SPIDR: variants seen among roughly 807,000 people sequenced by gnomAD.
The protein encoded by SPIDR is DNA repair-scaffolding protein.
In SPIDR, 93 loss-of-function variants were observed where a neutral mutation model predicts 104.6. The observed-to-expected ratio is 0.89, with a 90% CI of 0.75 to 1.06. The LOEUF (loss-of-function observed/expected upper bound fraction) is 1.06. Among genes scored for constraint, SPIDR ranks in the 50% least tolerant of loss-of-function variants. The pLI, the probability that SPIDR is intolerant of heterozygous loss-of-function variation, is 0.00. For missense variants in SPIDR, 1,154 were observed against 1,111.2 expected (o/e 1.04, Z -0.55); for synonymous variants, 431 against 416.9 (o/e 1.03, Z -0.41).
chr8:47,332,157 A>T (rs1587132276), intron 5 of SPIDR, among the ~76,000 whole-genome samples: 1 of 45,664 alleles, frequency 2.2e-5, no homozygotes, highest in African/African-American at 8.5e-5. Context: ...CCCTCCCCCG[A>T]CCCCACCACA....
chr8:47,686,088 T>C (rs1433141751), intron 11 of SPIDR, among the ~76,000 whole-genome samples: 5 of 152,182 alleles, frequency 3.3e-5, no homozygotes, highest in African/African-American at 1.2e-4. Context: ...AAGTTGTTTG[T>C]TCTGGAAGGT....
intron 11 of SPIDR, among the ~76,000 whole-genome samples, chr8:47,698,746 A>G (rs915917318): frequency 1.3e-5 from 2 of 152,228 alleles, no homozygotes; most frequent in Non-Finnish European, 2.9e-5. Flanking sequence ...AAAGGGTTTC[A>G]TGGTTATAAA....
chr8:47,409,345 ACT>A (rs1168269795), intron 7 of SPIDR, among the ~76,000 whole-genome samples: 3 of 151,646 alleles, frequency 2.0e-5, no homozygotes, highest in Admixed American at 6.6e-5. Context: ...ATGACTGAAA[ACT>A]CTTGTTTTTC....
At chr8:47,600,733 G>C (rs961959340) in intron 10 of SPIDR, among the ~76,000 whole-genome samples, 2 of 151,970 alleles carry the variant, frequency 1.3e-5, no homozygotes, top group African/African-American at 4.8e-5. Context: ...TGTTTTGCTT[G>C]GCCTTTTTAA....
chr8:47,439,044 C>G (rs533654454), intron 7 of SPIDR, among the ~76,000 whole-genome samples: 4 of 152,158 alleles, frequency 2.6e-5, no homozygotes, highest in African/African-American at 7.2e-5. Flanking sequence ...TTTTGTTGTT[C>G]TCAGTTTATG....
chr8:47,554,490 C>T (rs186770798), intron 8 of SPIDR, among the ~76,000 whole-genome samples: 3 of 152,322 alleles, frequency 2.0e-5, no homozygotes, highest in East Asian at 1.9e-4. Flanking sequence ...CCTTGCAGTT[C>T]GATCTCAGAC....
intron 10 of SPIDR, among the ~76,000 whole-genome samples, chr8:47,629,255 A>G (rs2066678045): frequency 1.3e-5 from 2 of 152,226 alleles, no homozygotes; most frequent in South Asian, 4.1e-4. Context: ...AGATTAAGTG[A>G]GATAACAAAG....
At position 47,701,979 on chromosome 8, in the gene SPIDR, C is replaced by G; in HGVS notation, c.1941C>G (p.Cys647Trp). The G allele has an allele frequency of 1.9e-6, 3 of 1,613,870 alleles. No individual in the cohort carries two copies. The highest frequency in any genetic ancestry group is 2.5e-6 in the Non-Finnish European group (3 of 1,179,994). ...ILQMNDLGTR[C>W]SFYATVIYQK... ...AGATGAATGATCTTGGTACCCGTTG[C>G]AGTTTCTATGCCACGGTGATTTACC... Residue 647 changes from cysteine to tryptophan, a missense_variant, in exon 14 of 20, where the codon TGC becomes TGG. Transcript: ENST00000297423.
At chr8:47,713,129 C>T (rs576532630) in intron 15 of SPIDR, 1 of 911,440 alleles carries the variant, frequency 1.1e-6, no homozygotes, top group African/African-American at 1.7e-5. Context: ...GCTGCAGACT[C>T]CACAAACAAA....
At chr8:47,403,132 G>C (rs2062153614) in intron 6 of SPIDR, among the ~76,000 whole-genome samples, 2 of 152,062 alleles carry the variant, frequency 1.3e-5, no homozygotes, top group South Asian at 4.2e-4. Flanking sequence ...ATGCAGAAAA[G>C]GCCTTTGACA....
intron 8 of SPIDR, chr8:47,527,917 A>G (rs949414526): frequency 2.6e-5 from 4 of 152,276 alleles, no homozygotes; most frequent in African/African-American, 9.6e-5. Context: ...TTTAAAAGCT[A>G]TCTACTTGGA....
chr8:47,275,837 T>TTTTTTG (rs1293147883), intron 1 of SPIDR, among the ~76,000 whole-genome samples: 4 of 152,080 alleles, frequency 2.6e-5, no homozygotes, highest in Admixed American at 6.6e-5. Context: ...TGTGCGTGTG[T>TTTTTTG]TTTTTGTTTT....
At position 47,279,832 on chromosome 8, in the gene SPIDR, C is replaced by T. The variant is rs910195634; in HGVS notation, c.34-30C>T. 2.7e-5 allele frequency: 43 copies of T among 1,565,576 alleles called. No individual in the cohort carries two copies. In the Admixed American group the frequency reaches 3.3e-4, roughly 12 times the overall value. ...TGAAGTTGATTTTGTTTTTTTGTTT[C>T]GATTTTTCTTTTAAAAATCATCTCC... On this transcript the variant is annotated intron_variant, in intron 1 of 19. Coordinates refer to ENST00000297423, the MANE Select transcript of SPIDR (RefSeq NM_001080394.4).
At chr8:47,294,746 T>G (rs1363346751) in intron 5 of SPIDR, among the ~76,000 whole-genome samples, 1 of 152,202 alleles carries the variant, frequency 6.6e-6, no homozygotes, top group African/African-American at 2.4e-5. Flanking sequence ...TCCTCTCACC[T>G]CAGCCTCCAG....
chr8:47,644,353 C>T (rs1563406804), intron 10 of SPIDR, among the ~76,000 whole-genome samples: 1 of 152,228 alleles, frequency 6.6e-6, no homozygotes, highest in Non-Finnish European at 1.5e-5. Flanking sequence ...TGCCCCACAG[C>T]TGTGCCCCAC....
At chr8:47,494,019 C>G (rs1024062317) in intron 8 of SPIDR, among the ~76,000 whole-genome samples, 9 of 152,092 alleles carry the variant, frequency 5.9e-5, no homozygotes, top group Non-Finnish European at 1.3e-4. Context: ...TTTCTCCTTC[C>G]CCTCACCTCC....
intron 7 of SPIDR, among the ~76,000 whole-genome samples, chr8:47,427,118 T>C (rs1187300128): frequency 1.3e-5 from 2 of 152,056 alleles, no homozygotes; most frequent in Non-Finnish European, 2.9e-5. Flanking sequence ...TTCCATATTC[T>C]GATGATTATG....
intron 8 of SPIDR, among the ~76,000 whole-genome samples, chr8:47,557,363 C>T (rs2091446650): frequency 6.6e-6 from 1 of 152,076 alleles, no homozygotes. Context: ...TTAGAGAAGG[C>T]GCCTGTCCAG....
intron 2 of SPIDR, among the ~76,000 whole-genome samples, chr8:47,280,399 T>A (rs2037511701): frequency 6.6e-6 from 1 of 150,918 alleles, no homozygotes; most frequent in Non-Finnish European, 1.5e-5. Flanking sequence ...GGCTAATTTT[T>A]TTTTTTTTTT....
Sources: gnomAD v4.1 joint callset for allele counts (sites outside exome capture counted in the v4.1 genomes callset) on GRCh38, gnomAD v4.1.1 for gene constraint, MANE v1.5 for transcripts, NCBI Gene and HGNC (gene_info 2026-07-23, HGNC 2026-07-21) for gene names.